Variants in CNTN4 observed in about 807,000 individuals in gnomAD.
CNTN4 encodes contactin 4.
CNTN4 carries 77 observed loss-of-function variants against 122.5 expected under a neutral mutation model. That is an observed-to-expected ratio of 0.63 (90% CI 0.52 to 0.76). The LOEUF (loss-of-function observed/expected upper bound fraction) is 0.76. Among genes scored for constraint, CNTN4 ranks in the 30% least tolerant of loss-of-function variants. CNTN4 has a pLI of 0.00. For missense variants in CNTN4, 1,256 were observed against 1,259.1 expected, an observed-to-expected ratio of 1.00 and a Z score of 0.04; for synonymous variants, 512 against 447.0, an observed-to-expected ratio of 1.15 and a Z score of -1.83.
intron 3 of CNTN4, among the ~76,000 whole-genome samples, chr3:2,562,429 T>C (rs1258206029): frequency 6.6e-6 from 1 of 152,178 alleles, no homozygotes; most frequent in Non-Finnish European, 1.5e-5. Context: ...CCCATCTTTA[T>C]GTCCCTGGAT....
intron 6 of CNTN4, among the ~76,000 whole-genome samples, chr3:2,799,331 TTTAAA>T (rs1479899622): frequency 6.6e-6 from 1 of 152,196 alleles, no homozygotes; most frequent in East Asian, 1.9e-4. Context: ...TGCAGAAACT[TTTAAA>T]TTAAGTTTCA....
At chr3:2,202,836 C>CT (rs2038162869) in intron 2 of CNTN4, among the ~76,000 whole-genome samples, 1 of 148,526 alleles carries the variant, frequency 6.7e-6, no homozygotes, top group Non-Finnish European at 1.5e-5. Context: ...TTTTTTTTTT[C>CT]TTTTTGAGAT....
chr3:2,396,523 C>T (rs1242183472), intron 3 of CNTN4, among the ~76,000 whole-genome samples: 1 of 152,154 alleles, frequency 6.6e-6, no homozygotes, highest in Non-Finnish European at 1.5e-5. Flanking sequence ...TGGACATCCT[C>T]ACGAGCCAGA....
At chr3:2,783,786 TC>T (rs2091701823) in intron 6 of CNTN4, among the ~76,000 whole-genome samples, 1 of 152,214 alleles carries the variant, frequency 6.6e-6, no homozygotes, top group African/African-American at 2.4e-5. Context: ...TTTTGAAATA[TC>T]ATTTGATCAC....
chr3:2,953,895 T>C (rs2094772524), intron 13 of CNTN4, among the ~76,000 whole-genome samples: 1 of 152,188 alleles, frequency 6.6e-6, no homozygotes, highest in South Asian at 2.1e-4. Flanking sequence ...AGTGACTACA[T>C]CATTTGCCAA....
chr3:2,729,418 G>C (rs562472835), intron 4 of CNTN4, among the ~76,000 whole-genome samples: 2 of 151,016 alleles, frequency 1.3e-5, no homozygotes, highest in African/African-American at 2.5e-5. Flanking sequence ...GGTGGCAGGC[G>C]CCTGTATTTC....
At chr3:2,838,791 G>A (rs925019505) in intron 7 of CNTN4, among the ~76,000 whole-genome samples, 16 of 152,068 alleles carry the variant, frequency 1.1e-4, no homozygotes, top group Admixed American at 2.6e-4. Context: ...TCTGACATCC[G>A]TACATTAACT....
intron 4 of CNTN4, among the ~76,000 whole-genome samples, chr3:2,658,528 A>G (rs928407046): frequency 6.6e-6 from 1 of 152,212 alleles, no homozygotes; most frequent in Non-Finnish European, 1.5e-5. Flanking sequence ...TCACACAAAT[A>G]AATTTAAAGT....
At chr3:2,897,774 G>A (rs2094130999) in intron 10 of CNTN4, among the ~76,000 whole-genome samples, 1 of 152,140 alleles carries the variant, frequency 6.6e-6, no homozygotes. Context: ...TTTTCCACTT[G>A]TGGCATCATG....
chr3:2,763,916 G>C (rs1443595554), intron 6 of CNTN4, among the ~76,000 whole-genome samples: 1 of 151,292 alleles, frequency 6.6e-6, no homozygotes, highest in Admixed American at 6.6e-5. Context: ...TGGGTAGCAT[G>C]ATGCCTCCAG....
rs1183768806 is a variant in CNTN4, at chr3:2,480,736, T to A, written c.-88-90680T>A. Among the ~76,000 whole-genome samples, 3 of 152,338 alleles carry A rather than the reference T, an allele frequency of 2.0e-5. No individual in the cohort carries two copies. The East Asian group carries it at 5.8e-4, about 29-fold the overall frequency. On this transcript the variant is annotated intron_variant, in intron 3 of 24. Transcript: ENST00000418658. ...CAATCAAAATCCCAGAAAGGTATTT[T>A]GTGGATATGTACTTATTGAGTCTAA...
chr3:2,674,883 C>A (rs908146192), intron 4 of CNTN4, among the ~76,000 whole-genome samples: 6 of 152,198 alleles, frequency 3.9e-5, no homozygotes, highest in African/African-American at 1.4e-4. Flanking sequence ...CTATCCCCAC[C>A]TGCCCCTATA....
intron 2 of CNTN4, among the ~76,000 whole-genome samples, chr3:2,148,539 AAAAAG>A (rs898726350): frequency 7.9e-5 from 12 of 151,444 alleles, no homozygotes; most frequent in African/African-American, 2.7e-4. Flanking sequence ...TCTCAAAAAA[AAAAAG>A]AAAAGAAAAG....
chr3:2,824,985 A>T (rs1387732468), intron 7 of CNTN4, among the ~76,000 whole-genome samples: 1 of 152,112 alleles, frequency 6.6e-6, no homozygotes, highest in Admixed American at 6.5e-5. Context: ...TCAAAATAAA[A>T]TGTAGTTACC....
chr3:2,320,823 C>T (rs556082291), intron 2 of CNTN4, among the ~76,000 whole-genome samples: 8 of 152,128 alleles, frequency 5.3e-5, no homozygotes, highest in Middle Eastern at 3.4e-3. Flanking sequence ...TTACCATTAA[C>T]CTCTTTCTTT....
chr3:2,131,095 A>C (rs2034429110), intron 2 of CNTN4, among the ~76,000 whole-genome samples: 1 of 152,200 alleles, frequency 6.6e-6, no homozygotes, highest in Admixed American at 6.5e-5. Context: ...ATGGTACTTT[A>C]CTTGTATTAT....
chr3:2,906,874 A>G (rs1389042060), intron 12 of CNTN4, among the ~76,000 whole-genome samples: 1 of 151,730 alleles, frequency 6.6e-6, no homozygotes, highest in Admixed American at 6.6e-5. Flanking sequence ...AAGAGAAAAG[A>G]AAAAGAAAGA....
intron 14 of CNTN4, among the ~76,000 whole-genome samples, chr3:3,002,860 A>C (rs113843541): frequency 5.4e-4 from 83 of 152,314 alleles, no homozygotes; most frequent in African/African-American, 1.9e-3. Flanking sequence ...ATGAACATTT[A>C]TTTTACATGC....
At chr3:3,009,584 C>A (rs1369156294) in intron 14 of CNTN4, among the ~76,000 whole-genome samples, 4 of 85,202 alleles carry the variant, frequency 4.7e-5, no homozygotes, top group South Asian at 2.8e-4. Flanking sequence ...CAGGCGCCCG[C>A]CACCACGCCC....
Sources: allele counts gnomAD v4.1 joint callset (sites outside exome capture counted in the v4.1 genomes callset), GRCh38; gene constraint gnomAD v4.1.1; transcripts MANE v1.5; gene names NCBI Gene and HGNC (gene_info 2026-07-23, HGNC 2026-07-21).